Variants in RIT2 observed in about 807,000 individuals in gnomAD.
RIT2 encodes GTP-binding protein Rit2.
A neutral mutation model predicts 23.7 loss-of-function variants in RIT2; 24 were observed. The ratio of observed to expected loss-of-function variants is 1.01; its 90% CI spans 0.73 to 1.43. RIT2 has a LOEUF of 1.43. Among genes scored for constraint, RIT2 ranks in the 40% most tolerant of loss-of-function variants. RIT2 has a pLI of 0.00. For missense variants in RIT2, 236 were observed against 266.9 expected, an observed-to-expected ratio of 0.88 and a Z score of 0.81; for synonymous variants, 107 against 91.1, an observed-to-expected ratio of 1.17 and a Z score of -0.99.
intron 4 of RIT2, among the ~76,000 whole-genome samples, chr18:42,817,353 C>T (rs1157458201): frequency 6.6e-6 from 1 of 151,950 alleles, no homozygotes; most frequent in African/African-American, 2.4e-5. Flanking sequence ...AAAGAAAATC[C>T]ATTTTGTGAT....
At chr18:42,756,894 G>GA (rs10651414) in intron 4 of RIT2, among the ~76,000 whole-genome samples, 3,926 of 151,334 alleles carry the variant, frequency 0.026, 161 homozygotes, top group African/African-American at 0.087. Flanking sequence ...GGTAAAAATA[G>GA]AAAAAAAACT....
At chr18:42,936,162 A>C (rs1180882005) in intron 3 of RIT2, among the ~76,000 whole-genome samples, 2 of 152,028 alleles carry the variant, frequency 1.3e-5, no homozygotes, top group African/African-American at 4.8e-5. Context: ...TTTTTGATCC[A>C]GCTTTAGGAA....
At chr18:43,036,311 G>T (rs956723006) in intron 1 of RIT2, among the ~76,000 whole-genome samples, 46 of 152,132 alleles carry the variant, frequency 3.0e-4, no homozygotes, top group African/African-American at 1.1e-3. Context: ...AGGCCAAGGC[G>T]GGTGGATCAC....
At chr18:43,037,811 C>G (rs549185982) in intron 1 of RIT2, among the ~76,000 whole-genome samples, 2 of 152,176 alleles carry the variant, frequency 1.3e-5, no homozygotes, top group East Asian at 1.9e-4. Context: ...TTGTCCTGCA[C>G]TTTTCTGAAC....
chr18:43,025,553 G>T (rs1403611876), intron 2 of RIT2, among the ~76,000 whole-genome samples: 5 of 151,600 alleles, frequency 3.3e-5, no homozygotes, highest in Admixed American at 2.0e-4. Context: ...AAGAAAGACT[G>T]TATAAAGAAA....
At chr18:42,815,587 T>C (rs946743107) in intron 4 of RIT2, among the ~76,000 whole-genome samples, 1 of 152,148 alleles carries the variant, frequency 6.6e-6, no homozygotes, top group Non-Finnish European at 1.5e-5. Context: ...CTATATACAG[T>C]ATGTATGCAG....
chr18:42,762,409 A>T (rs1315383519), intron 4 of RIT2, among the ~76,000 whole-genome samples: 1 of 152,240 alleles, frequency 6.6e-6, no homozygotes, highest in Non-Finnish European at 1.5e-5. Flanking sequence ...GAAACCAAAA[A>T]TAAGTATCCA....
chr18:42,757,696 CTT>C (rs1309952514), intron 4 of RIT2, among the ~76,000 whole-genome samples: 1 of 152,158 alleles, frequency 6.6e-6, no homozygotes, highest in African/African-American at 2.4e-5. Flanking sequence ...CATCACTGCT[CTT>C]GTCAATTGTT....
intron 4 of RIT2, among the ~76,000 whole-genome samples, chr18:42,761,005 C>A (rs771050605): frequency 4.6e-5 from 7 of 152,152 alleles, no homozygotes; most frequent in Non-Finnish European, 7.3e-5. Flanking sequence ...TTGAATCAGA[C>A]CTAAAAGCAT....
chr18:42,913,348 C>A (rs1908821630), intron 4 of RIT2, among the ~76,000 whole-genome samples: 1 of 151,436 alleles, frequency 6.6e-6, no homozygotes, highest in African/African-American at 2.4e-5. Context: ...GATTTGATAC[C>A]AAAGCCACAA....
chr18:43,114,191 A>G (rs1450889133), intron 1 of RIT2, among the ~76,000 whole-genome samples: 1 of 151,900 alleles, frequency 6.6e-6, no homozygotes, highest in Non-Finnish European at 1.5e-5. Flanking sequence ...TTTCACTTTG[A>G]TATGCATTTT....
At chr18:42,911,359 G>A (rs1327179980) in intron 4 of RIT2, among the ~76,000 whole-genome samples, 1 of 151,624 alleles carries the variant, frequency 6.6e-6, no homozygotes. Flanking sequence ...CAGGAGAATA[G>A]GAAACTAATA....
chr18:42,883,147 C>T lies in RIT2; in HGVS notation c.426+40425G>A, dbSNP rs200933839. ...GTGTGTGTGCACGAGAGTGTGTGTG[C>T]GTGTGTGTGTGTGTCTGATTGTATT... On this transcript the variant is annotated intron_variant, in intron 4 of 4. Transcript: ENST00000326695. Among the ~76,000 whole-genome samples, 13 of 150,942 alleles carry T rather than the reference C, an allele frequency of 8.6e-5. No individual in the cohort carries two copies. The East Asian group carries it at 1.8e-3, about 20-fold the overall frequency.
chr18:43,057,738 T>C (rs1244914140), intron 1 of RIT2, among the ~76,000 whole-genome samples: 1 of 151,732 alleles, frequency 6.6e-6, no homozygotes, highest in East Asian at 1.9e-4. Context: ...CAAATAATTA[T>C]GGGGCAGCAG....
At chr18:42,860,541 T>C (rs1907298695) in intron 4 of RIT2, among the ~76,000 whole-genome samples, 1 of 152,226 alleles carries the variant, frequency 6.6e-6, no homozygotes, top group Non-Finnish European at 1.5e-5. Context: ...AGTACTCTTC[T>C]GTTCCTTTAG....
intron 1 of RIT2, among the ~76,000 whole-genome samples, chr18:43,108,667 T>C (rs921624675): frequency 2.0e-5 from 3 of 152,200 alleles, no homozygotes; most frequent in East Asian, 3.9e-4. Flanking sequence ...CTTGGAGATG[T>C]TGTCAATCAA....
intron 1 of RIT2, among the ~76,000 whole-genome samples, chr18:43,093,811 C>G (rs1361907264): frequency 6.6e-6 from 1 of 152,044 alleles, no homozygotes; most frequent in Non-Finnish European, 1.5e-5. Flanking sequence ...CTGACACTGA[C>G]TTGCAGAAAT....
intron 4 of RIT2, among the ~76,000 whole-genome samples, chr18:42,869,391 G>A (rs1452123709): frequency 2.6e-5 from 4 of 152,312 alleles, no homozygotes; most frequent in African/African-American, 7.2e-5. Context: ...TCCAGGCCAC[G>A]GATCAGTACA....
intron 1 of RIT2, among the ~76,000 whole-genome samples, chr18:43,114,489 C>T (rs1428892736): frequency 2.0e-5 from 3 of 152,036 alleles, no homozygotes; most frequent in Non-Finnish European, 4.4e-5. Flanking sequence ...TGTTTTGATG[C>T]TTTTTGTCCA....
Sources: allele counts gnomAD v4.1 joint callset (sites outside exome capture counted in the v4.1 genomes callset), GRCh38; gene constraint gnomAD v4.1.1; transcripts MANE v1.5; gene names NCBI Gene and HGNC (gene_info 2026-07-23, HGNC 2026-07-21).